The following CELF5 variants were observed in gnomAD, a reference collection of about 807,000 sequenced individuals.
CELF5 encodes CUGBP Elav-like family member 5, also known as CUG-BP and ETR-3 like factor 5.
CELF5 carries 6 observed loss-of-function variants against 54.9 expected under a neutral mutation model. That is an observed-to-expected ratio of 0.11 (90% CI 0.06 to 0.22). The LOEUF is 0.22. CELF5 is among the 10% of genes least tolerant of loss of function. CELF5 has a pLI of 1.00. For synonymous variants in CELF5, 271 were observed against 290.9 expected (o/e 0.93, Z 0.70); for missense variants, 401 against 678.6 (o/e 0.59, Z 4.54).
At chr19:3,244,714 ATG>A (rs1307707997) in intron 1 of CELF5, among the ~76,000 whole-genome samples, 4 of 116,552 alleles carry the variant, frequency 3.4e-5, no homozygotes, top group African/African-American at 1.0e-4. Flanking sequence ...GCATCTGTGC[ATG>A]TGTGTGTGGT....
At chr19:3,250,888 C>CCG in intron 1 of CELF5, 97 bp from the exon 2 acceptor site, 1 of 567,380 alleles carries the variant, frequency 1.8e-6, no homozygotes, top group Non-Finnish European at 3.0e-6. Flanking sequence ...TGGATGGAAG[C>CCG]TTGGGTTGCT....
chr19:3,239,847 G>A (rs1318854247), intron 1 of CELF5, among the ~76,000 whole-genome samples: 1 of 151,796 alleles, frequency 6.6e-6, no homozygotes, highest in African/African-American at 2.4e-5. Context: ...TCTTCGTGCT[G>A]GCCCCAGGAG....
chr19:3,294,551 C>T (rs2080403862), intron 12 of CELF5: 1 of 152,214 alleles, frequency 6.6e-6, no homozygotes, highest in Non-Finnish European at 1.5e-5. Context: ...TATTTACCTG[C>T]ACAGAACGCA....
Position 3,282,557 on chromosome 19 carries a change from C to T in CELF5, c.1039+59C>T. 6.4e-7 allele frequency: 1 copy of T among 1,554,646 alleles called. No individual in the cohort carries two copies. The highest frequency in any genetic ancestry group is 1.4e-5 in the African/African-American group (1 of 73,658). ...GTGGTGGGGAATAAAGATGGTGTTTCTGGAACAAGTATGAGTCCCTACATC... is the reference window on the plus strand; with the variant it reads ...GTGGTGGGGAATAAAGATGGTGTTTTTGGAACAAGTATGAGTCCCTACATC... On this transcript the variant is annotated intron_variant, in intron 8 of 12. Coordinates refer to ENST00000292672, the MANE Select transcript of CELF5 (RefSeq NM_021938.4). The surrounding 1 kb of genome is among the most constrained non-coding windows in gnomAD (Gnocchi z 5.2).
chr19:3,240,685 G>A (rs952503189), intron 1 of CELF5, among the ~76,000 whole-genome samples: 17 of 151,700 alleles, frequency 1.1e-4, no homozygotes, highest in Non-Finnish European at 2.9e-5. Context: ...TTGTTCTATG[G>A]CCCCAGCTCC....
intron 2 of CELF5, among the ~76,000 whole-genome samples, chr19:3,265,260 C>T (rs150710287): frequency 2.6e-5 from 4 of 152,250 alleles, no homozygotes; most frequent in Admixed American, 6.5e-5. Context: ...AGCATTTGAG[C>T]CCAGGAGATT....
intron 4 of CELF5, among the ~76,000 whole-genome samples, chr19:3,276,218 G>A (rs2080049088): frequency 7.2e-6 from 1 of 139,758 alleles, no homozygotes; most frequent in African/African-American, 2.7e-5. Context: ...GGGCTGCAGG[G>A]TGGGGAGGAG....
At position 3,275,244 on chromosome 19, in the gene CELF5, G is replaced by T. The variant is rs1024989800; in HGVS notation, c.395-612G>T. ...AGCTCCGGCCTCAGACCAGGTTCCA[G>T]CCCAGCCCCACCCAGCAGGGGGTCC... is the stretch of plus-strand genomic sequence containing the variant. On this transcript the variant is annotated intron_variant, in intron 3 of 12. Transcript: ENST00000292672. The surrounding 1 kb of genome is among the most constrained non-coding windows in gnomAD (Gnocchi z 6.7). Among the ~76,000 whole-genome samples, 1 of 152,158 alleles carries T rather than the reference G, an allele frequency of 6.6e-6. No individual in the cohort carries two copies.
intron 1 of CELF5, among the ~76,000 whole-genome samples, chr19:3,243,319 G>T (rs1332853203): frequency 6.6e-6 from 1 of 151,982 alleles, no homozygotes; most frequent in African/African-American, 2.4e-5. Flanking sequence ...ACCTTGGCTG[G>T]AGCCAGGCTG....
intron 1 of CELF5, among the ~76,000 whole-genome samples, chr19:3,248,920 T>G (rs1393652230): frequency 2.5e-4 from 31 of 121,918 alleles, no homozygotes; most frequent in Non-Finnish European, 1.7e-5. Context: ...CTTTCTTTCT[T>G]TCTTTCTTTT....
chr19:3,278,208 G>A lies in CELF5; in HGVS notation c.603+98G>A, dbSNP rs11879556. ...CATATTCCTACCGTCGCTGTCATCC[G>A]GTAGCCCCTGGCTGTCCTTCAGAGG... On this transcript the variant is annotated intron_variant, in intron 5 of 12. Transcript: ENST00000292672. The surrounding 1 kb of genome is among the most constrained non-coding windows in gnomAD (Gnocchi z 4.5). 0.43 allele frequency: 372,461 copies of A among 865,212 alleles called. 84,219 individuals carry two copies. The highest frequency in any genetic ancestry group is 0.71 in the East Asian group (26,690 of 37,406). The allele number at this position is 865,212 out of a possible 1,614,324, so 53.6% of individuals were successfully genotyped here.
chr19:3,263,492 C>T (rs570583535), intron 2 of CELF5, among the ~76,000 whole-genome samples: 7 of 148,306 alleles, frequency 4.7e-5, no homozygotes, highest in Admixed American at 1.3e-4. Context: ...ACCCGGGAGA[C>T]GGAGGTTGCA....
intron 2 of CELF5, among the ~76,000 whole-genome samples, chr19:3,263,578 A>G (rs2145191309): frequency 6.6e-6 from 1 of 150,570 alleles, no homozygotes; most frequent in South Asian, 2.1e-4. Flanking sequence ...AAAGAAACAA[A>G]CAAACAAACA....
intron 1 of CELF5, among the ~76,000 whole-genome samples, chr19:3,234,399 A>G (rs1376054138): frequency 6.6e-6 from 1 of 152,116 alleles, no homozygotes. Flanking sequence ...GCGCCCAGCC[A>G]TGATGTGGTT....
chr19:3,245,451 C>T (rs1458859906), intron 1 of CELF5, among the ~76,000 whole-genome samples: 1 of 151,036 alleles, frequency 6.6e-6, no homozygotes, highest in Non-Finnish European at 1.5e-5. Flanking sequence ...CTTTCCCTTT[C>T]ACTGCAGAGC....
Position 3,293,333 on chromosome 19 carries a change from G to C in CELF5, c.1345G>C (p.Asp449His). The C allele has an allele frequency of 6.2e-7, 1 of 1,614,152 alleles. No homozygotes were observed. Among genetic ancestry groups the C allele is most frequent in the Non-Finnish European group, 8.5e-7 (1 of 1,179,996 alleles). ...GGTTTCTGCAGGCTTCGTGAGCTTT[G>C]ATAACCCGGCCAGCGCCCAGGCAGC... ...QSKCFGFVSF[D>H]NPASAQAAIQ... The change falls in exon 12 of 13, where the codon GAT (aspartate) becomes CAT (histidine). Residue 449 changes from aspartate to histidine, a missense_variant. Physicochemically the swap from Asp to His is moderately conservative, Grantham distance 81. Transcript: ENST00000292672.
rs2080382735 is a variant in CELF5 at position 3,293,387 on chromosome 19, G to A, written c.1399G>A (p.Gly467Ser). 1.9e-6 allele frequency: 3 copies of A among 1,614,002 alleles called. No individual in the cohort carries two copies. The highest frequency in any genetic ancestry group is 1.1e-5 in the South Asian group (1 of 91,090). The change falls in exon 12 of 13, where the codon GGC becomes AGC. Residue 467 changes from glycine (G) to serine (S), a missense_variant. Coordinates refer to ENST00000292672, the MANE Select transcript of CELF5 (RefSeq NM_021938.4). ...CCAGGCCATGAACGGCTTCCAGATCGGCATGAAGAGGCTCAAAGTCCAGCT... is the reference window on the plus strand; with the variant it reads ...CCAGGCCATGAACGGCTTCCAGATCAGCATGAAGAGGCTCAAAGTCCAGCT... ...AIQAMNGFQI[G>S]MKRLKVQLKR...
At position 3,287,285 on chromosome 19, in the gene CELF5, C is replaced by T. The variant is rs149911350; in HGVS notation, c.1186+1260C>T. On this transcript the variant is annotated intron_variant, in intron 10 of 12. Transcript: ENST00000292672. ...TGAAGTTTTAAAACAGTAGGCCAAT[C>T]GAGGTGGCTCATGCCTGTAATCCTA... is the stretch of plus-strand genomic sequence containing the variant. Among the ~76,000 whole-genome samples the T allele has an allele frequency of 4.6e-5, 7 of 150,928 alleles. No homozygotes were observed. The East Asian group carries it at 1.2e-3, about 25-fold the overall frequency.
chr19:3,229,014 C>T (rs980464296), intron 1 of CELF5, among the ~76,000 whole-genome samples: 2 of 151,910 alleles, frequency 1.3e-5, no homozygotes, highest in Non-Finnish European at 2.9e-5. Context: ...GCTGCATATT[C>T]TCTCCTTTAT....
Sources: allele counts gnomAD v4.1 joint callset (sites outside exome capture counted in the v4.1 genomes callset), GRCh38; gene constraint gnomAD v4.1.1; non-coding constraint Gnocchi (gnomAD v3.1); transcripts MANE v1.5; gene names NCBI Gene and HGNC (gene_info 2026-07-23, HGNC 2026-07-21).